Variants in HAO1 observed in about 807,000 individuals in gnomAD.
HAO1 encodes 2-Hydroxyacid oxidase 1.
HAO1 carries 34 observed loss-of-function variants against 39.7 expected under a neutral mutation model. The observed-to-expected ratio is 0.86, with a 90% CI of 0.65 to 1.14. HAO1 has a LOEUF of 1.14. Among genes scored for constraint, HAO1 ranks in the 50% most tolerant of loss-of-function variants. The pLI, the probability that HAO1 is intolerant of heterozygous loss-of-function variation, is 0.00. For missense variants in HAO1, 479 were observed against 464.5 expected (o/e 1.03, Z -0.29); for synonymous variants, 172 against 173.2 (o/e 0.99, Z 0.05).
At chr20:7,906,669 G>A (rs1395860961) in intron 3 of HAO1, among the ~76,000 whole-genome samples, 3 of 152,120 alleles carry the variant, frequency 2.0e-5, no homozygotes, top group Non-Finnish European at 4.4e-5. Context: ...ACGATTTTCA[G>A]CCAGCAATGC....
chr20:7,906,321 T>C lies in HAO1; in HGVS notation c.554A>G (p.Asn185Ser). 3 of 1,590,346 alleles carry C rather than the reference T, an allele frequency of 1.9e-6. No individual in the cohort carries two copies. The highest frequency in any genetic ancestry group is 2.6e-6 in the Non-Finnish European group (3 of 1,161,748). ...AAATGATAAAGTACTGGTTTCAAAA[T>C]TTTTCATCCTAAAATAAGAAATGCA... ...FKLPPQLRMK[N>S]FETSTLSFSP... Residue 185 changes from asparagine (N) to serine (S), a missense_variant, in exon 4 of 8, where the codon AAT becomes AGT. Transcript: ENST00000378789.
At chr20:7,936,552 G>GTGTGTGTGTGTGTGTGTT (rs1488706496) in intron 1 of HAO1, among the ~76,000 whole-genome samples, 3 of 148,192 alleles carry the variant, frequency 2.0e-5, no homozygotes, top group African/African-American at 7.4e-5. Context: ...GTGTGTTCGC[G>GTGTGTGTGTGTGTGTGTT]CGCGCGCGCG....
At chr20:7,905,934 G>T (rs930897193) in intron 4 of HAO1, among the ~76,000 whole-genome samples, 7 of 152,116 alleles carry the variant, frequency 4.6e-5, no homozygotes, top group African/African-American at 1.7e-4. Context: ...CTTTGAAAAA[G>T]CTCACTTTGT....
intron 3 of HAO1, among the ~76,000 whole-genome samples, chr20:7,908,859 T>A (rs1055903297): frequency 1.3e-5 from 2 of 152,166 alleles, no homozygotes; most frequent in African/African-American, 4.8e-5. Flanking sequence ...CGCTGGTCAA[T>A]AAACACATCT....
intron 5 of HAO1, among the ~76,000 whole-genome samples, chr20:7,890,209 T>TG (rs2050167969): frequency 3.9e-5 from 6 of 152,104 alleles, no homozygotes; most frequent in African/African-American, 1.4e-4. Flanking sequence ...TGGTTTGTTT[T>TG]TTTTTGTTTT....
chr20:7,892,209 C>T (rs1297437330), intron 5 of HAO1, among the ~76,000 whole-genome samples: 1 of 152,172 alleles, frequency 6.6e-6, no homozygotes, highest in Non-Finnish European at 1.5e-5. Context: ...CCTCAGCCTC[C>T]CAAGTAGCTG....
At chr20:7,918,604 A>G (rs1463040074) in intron 2 of HAO1, among the ~76,000 whole-genome samples, 2 of 152,160 alleles carry the variant, frequency 1.3e-5, no homozygotes, top group African/African-American at 4.8e-5. Context: ...CTTAAACATC[A>G]GTGCCGGCAG....
intron 2 of HAO1, among the ~76,000 whole-genome samples, 188 bp downstream of exon 2, chr20:7,934,296 G>T (rs2050399619): frequency 6.6e-6 from 1 of 152,158 alleles, no homozygotes; most frequent in Non-Finnish European, 1.5e-5. Flanking sequence ...AGGATATCTT[G>T]CCCAGTCACA....
At chr20:7,886,218 G>A (rs1292725396) in intron 5 of HAO1, among the ~76,000 whole-genome samples, 2 of 151,690 alleles carry the variant, frequency 1.3e-5, no homozygotes, top group South Asian at 4.2e-4. Context: ...CTGTCCCCCA[G>A]GCTGGAGTGC....
intron 7 of HAO1, among the ~76,000 whole-genome samples, chr20:7,884,019 G>A (rs887032071): frequency 6.6e-6 from 1 of 152,176 alleles, no homozygotes; most frequent in Non-Finnish European, 1.5e-5. Context: ...GAGTACAGTA[G>A]TGAGTAGACC....
chr20:7,903,148 C>T (rs182993377), intron 4 of HAO1, among the ~76,000 whole-genome samples: 16 of 152,306 alleles, frequency 1.1e-4, no homozygotes, highest in Admixed American at 5.2e-4. Context: ...ATATGTGTTA[C>T]TTGGTGCAAT....
At chr20:7,917,314 T>C (rs536208530) in intron 2 of HAO1, among the ~76,000 whole-genome samples, 2 of 133,994 alleles carry the variant, frequency 1.5e-5, no homozygotes, top group Admixed American at 1.7e-4. Context: ...TACTCCAGCC[T>C]GGATGACAGA....
chr20:7,918,340 T>C (rs1247585303), intron 2 of HAO1, among the ~76,000 whole-genome samples: 2 of 152,220 alleles, frequency 1.3e-5, no homozygotes, highest in Admixed American at 6.5e-5. Context: ...TGGGAATTTA[T>C]ATGAACCATT....
intron 3 of HAO1, among the ~76,000 whole-genome samples, 162 bp from the exon 4 acceptor site, chr20:7,906,491 A>G (rs1235440635): frequency 6.6e-6 from 1 of 152,146 alleles, no homozygotes; most frequent in African/African-American, 2.4e-5. Context: ...TTGATGTAGG[A>G]CTCTAGACTA....
intron 2 of HAO1, among the ~76,000 whole-genome samples, chr20:7,921,912 C>T (rs1431273168): frequency 1.3e-5 from 2 of 151,960 alleles, no homozygotes; most frequent in Non-Finnish European, 2.9e-5. Flanking sequence ...ATTGGATACA[C>T]ATGGTCAAAA....
At chr20:7,909,294 G>A (rs2050264154) in intron 3 of HAO1, among the ~76,000 whole-genome samples, 1 of 148,714 alleles carries the variant, frequency 6.7e-6, no homozygotes, top group African/African-American at 2.5e-5. Context: ...AGAGACCCAC[G>A]ATGGAGTGTT....
chr20:7,917,217 G>C (rs2050310844), intron 2 of HAO1, among the ~76,000 whole-genome samples: 1 of 151,794 alleles, frequency 6.6e-6, no homozygotes, highest in Admixed American at 6.6e-5. Flanking sequence ...GCGCATGCCT[G>C]TAATCCCAGC....
intron 4 of HAO1, among the ~76,000 whole-genome samples, chr20:7,901,102 G>GA (rs1555773412): frequency 2.6e-5 from 4 of 152,176 alleles, no homozygotes; most frequent in Middle Eastern, 3.4e-3. Context: ...GGAAGCTGCA[G>GA]AAAAAAAGTT....
intron 2 of HAO1, among the ~76,000 whole-genome samples, chr20:7,921,012 T>A (rs1022933262): frequency 1.3e-5 from 2 of 151,902 alleles, no homozygotes; most frequent in African/African-American, 4.8e-5. Flanking sequence ...AACACAGGTA[T>A]TGGGAGAAAA....
Sources: allele counts gnomAD v4.1 joint callset (sites outside exome capture counted in the v4.1 genomes callset), GRCh38; gene constraint gnomAD v4.1.1; transcripts MANE v1.5; gene names NCBI Gene and HGNC (gene_info 2026-07-23, HGNC 2026-07-21).